The following YTHDF1 variants were observed in gnomAD, a reference collection of about 807,000 sequenced individuals.
The protein encoded by YTHDF1 is YTH N6-methyladenosine RNA binding protein F1.
In YTHDF1, 16 loss-of-function variants were observed where a neutral mutation model predicts 49.1. The ratio of observed to expected loss-of-function variants is 0.33; its 90% CI spans 0.22 to 0.49. The LOEUF is 0.49. Among genes scored for constraint, YTHDF1 ranks in the 20% least tolerant of loss-of-function variants. The pLI, the probability that YTHDF1 is intolerant of heterozygous loss-of-function variation, is 0.99. For missense variants in YTHDF1, 621 were observed against 744.3 expected, an observed-to-expected ratio of 0.83 and a Z score of 1.93; for synonymous variants, 313 against 290.1, an observed-to-expected ratio of 1.08 and a Z score of -0.80.
chr20:63,201,172 G>A (rs2066515534), intron 4 of YTHDF1, among the ~76,000 whole-genome samples: 1 of 152,084 alleles, frequency 6.6e-6, no homozygotes, highest in Admixed American at 6.5e-5. Flanking sequence ...AGTTCTACAA[G>A]CCCCAAGTTG....
At position 63,215,888 on chromosome 20, in the gene YTHDF1, G is replaced by A. The variant is rs992940794; in HGVS notation, c.5C>T (p.Ser2Leu). The change falls in exon 1 of 5, where the codon TCG becomes TTG. Residue 2 changes from serine (S) to leucine (L), a missense_variant. Around this residue, in one of 2 missense-constraint regions of YTHDF1, gnomAD observed 470 missense variants for 495.8 expected, o/e 0.95. Transcript: ENST00000370339. M[S>L]ATSVDTQRTK... is the part of the protein sequence containing the mutation. ...TACCTGGGTGTCCACGCTGGTGGCC[G>A]ACATGCTTCATGAACAACTAGACGC... 2.8e-6 allele frequency: 4 copies of A among 1,445,862 alleles called. No individual in the cohort carries two copies. In the South Asian group the frequency reaches 4.1e-5, roughly 15 times the overall value. 89.6% of individuals were successfully genotyped at this position (1,445,862 alleles called of 1,614,324 possible).
chr20:63,196,818 T>G, intron 4 of YTHDF1, 84 bp from the exon 5 acceptor site: 1 of 1,533,158 alleles, frequency 6.5e-7, no homozygotes, highest in Non-Finnish European at 9.0e-7. Context: ...GGCTGCCCCT[T>G]AGCAGCACCT....
At chr20:63,213,657 C>T (rs956698488) in intron 3 of YTHDF1, among the ~76,000 whole-genome samples, 2 of 152,150 alleles carry the variant, frequency 1.3e-5, no homozygotes, top group African/African-American at 4.8e-5. Flanking sequence ...AGTGGGATGC[C>T]GCCTCCTCCA....
At chr20:63,204,957 G>T (rs576841008) in intron 3 of YTHDF1, among the ~76,000 whole-genome samples, 2 of 151,230 alleles carry the variant, frequency 1.3e-5, no homozygotes, top group South Asian at 4.3e-4. Flanking sequence ...CCAGTGTGAG[G>T]TAAGAAGGCT....
At chr20:63,206,826 T>A (rs1466919725) in intron 3 of YTHDF1, among the ~76,000 whole-genome samples, 1 of 151,150 alleles carries the variant, frequency 6.6e-6, no homozygotes, top group Non-Finnish European at 1.5e-5. Flanking sequence ...AGTCAGTCAT[T>A]CTGTACATAA....
At chr20:63,198,718 T>C (rs1364911411) in intron 4 of YTHDF1, among the ~76,000 whole-genome samples, 1 of 152,012 alleles carries the variant, frequency 6.6e-6, no homozygotes, top group Non-Finnish European at 1.5e-5. Context: ...GGCCTAAGAT[T>C]CTCTATGCTC....
Position 63,202,835 on chromosome 20 carries a change from C to T in YTHDF1, c.1105G>A (p.Glu369Lys). The change falls in exon 4 of 5, where the codon GAA becomes AAA. Residue 369 changes from glutamate to lysine, a missense_variant. Transcript: ENST00000370339. ...TAGCTGTGAGCAGCCTTCAGTTTTT[C>T]AAGGACGGGGTGGGATTCGACGCTG... The part of the protein sequence containing the change: ...APSVESHPVL[E>K]KLKAAHSYNP... 1 of 1,613,972 alleles carries T rather than the reference C, an allele frequency of 6.2e-7. No individual in the cohort carries two copies. The highest frequency in any genetic ancestry group is 8.5e-7 in the Non-Finnish European group (1 of 1,180,052).
In YTHDF1 at chr20:63,215,608, C is replaced by T; in HGVS notation, c.28-7G>A. 2 of 1,608,180 alleles carry T rather than the reference C, an allele frequency of 1.2e-6. No homozygotes were observed. The highest frequency in any genetic ancestry group is 1.7e-6 in the Non-Finnish European group (2 of 1,177,470). On this transcript the variant is annotated splice_polypyrimidine_tract_variant and splice_region_variant and intron_variant, in intron 1 of 4. Transcript: ENST00000370339. ...TATCTTGTCCTTTTGTTCTCTGCACCGCCGCAGGCCGGGACGTGGGGTACA... is the reference window on the plus strand; with the variant it reads ...TATCTTGTCCTTTTGTTCTCTGCACTGCCGCAGGCCGGGACGTGGGGTACA...
chr20:63,206,150 C>T (rs2066545036), intron 3 of YTHDF1, among the ~76,000 whole-genome samples: 1 of 152,222 alleles, frequency 6.6e-6, no homozygotes, highest in South Asian at 2.1e-4. Flanking sequence ...CTCCTCCTCC[C>T]ATTAGCTGGA....
At chr20:63,201,179 G>C (rs1030692089) in intron 4 of YTHDF1, among the ~76,000 whole-genome samples, 4 of 152,166 alleles carry the variant, frequency 2.6e-5, no homozygotes, top group Non-Finnish European at 5.9e-5. Context: ...CAAGCCCCAA[G>C]TTGTTCAGGA....
chr20:63,213,975 A>G, intron 2 of YTHDF1, 32 bp from the exon 3 acceptor site: 3 of 1,563,966 alleles, frequency 1.9e-6, no homozygotes, highest in African/African-American at 1.4e-5. Context: ...TATTACCCTC[A>G]AATTTTAAAA....
intron 4 of YTHDF1, among the ~76,000 whole-genome samples, chr20:63,198,410 A>G (rs2066502385): frequency 6.6e-6 from 1 of 152,016 alleles, no homozygotes; most frequent in Non-Finnish European, 1.5e-5. Context: ...GTGCCACTTC[A>G]CTCCAGCCTG....
intron 3 of YTHDF1, among the ~76,000 whole-genome samples, chr20:63,206,197 C>G (rs2066545309): frequency 6.6e-6 from 1 of 152,262 alleles, no homozygotes; most frequent in South Asian, 2.1e-4. Flanking sequence ...CACAACACAT[C>G]TTCCTTCCAC....
Position 63,215,585 on chromosome 20 carries a change from T to C in YTHDF1, c.44A>G (p.Asp15Gly), listed in dbSNP as rs1280704049. The change falls in exon 2 of 5, where the codon GAT becomes GGT. Residue 15 changes from aspartate to glycine, a missense_variant. This residue lies in a region of YTHDF1 where 470 missense variants were observed against 495.8 expected (regional missense o/e 0.95). Coordinates refer to ENST00000370339, the MANE Select transcript of YTHDF1 (RefSeq NM_017798.4). Reference sequence around the variant, plus strand: ...CCCGGGACTCCGCTCACCTTTATTATCTTGTCCTTTTGTTCTCTGCACCGC... The same window carrying C: ...CCCGGGACTCCGCTCACCTTTATTACCTTGTCCTTTTGTTCTCTGCACCGC... ...SVDTQRTKGQDNKVQNGSLHQ... is the reference protein window; with the variant it reads ...SVDTQRTKGQGNKVQNGSLHQ... 1.2e-6 allele frequency: 2 copies of C among 1,612,676 alleles called. No individual in the cohort carries two copies. Among genetic ancestry groups the C allele is most frequent in the South Asian group, 2.2e-5 (2 of 91,020 alleles).
At chr20:63,210,011 T>C (rs1006731266) in intron 3 of YTHDF1, among the ~76,000 whole-genome samples, 1 of 152,226 alleles carries the variant, frequency 6.6e-6, no homozygotes, top group Non-Finnish European at 1.5e-5. Flanking sequence ...TCATCAATTA[T>C]TACGTACTGT....
At chr20:63,205,153 T>C (rs1186246972) in intron 3 of YTHDF1, among the ~76,000 whole-genome samples, 1 of 152,042 alleles carries the variant, frequency 6.6e-6, no homozygotes, top group Non-Finnish European at 1.5e-5. Context: ...AGACCTCATC[T>C]CACAACCTCA....
Position 63,202,269 on chromosome 20 carries a change from T to C in YTHDF1, c.1653+18A>G, listed in dbSNP as rs1446884847. 2 of 1,602,716 alleles carry C rather than the reference T, an allele frequency of 1.2e-6. No individual in the cohort carries two copies. Among genetic ancestry groups the C allele is most frequent in the Non-Finnish European group, 8.5e-7 (1 of 1,173,582 alleles). On this transcript the variant is annotated intron_variant, in intron 4 of 4. Coordinates refer to ENST00000370339, the MANE Select transcript of YTHDF1 (RefSeq NM_017798.4). ...AGGACACATCTGCATGGCAGTTGCC[T>C]GCAACACCCAGCCTCACCTTGCGCA...
At position 63,196,565 on chromosome 20, in the gene YTHDF1, T is replaced by C. The variant is rs2066493329; in HGVS notation, c.*143A>G. The C allele has an allele frequency of 5.5e-6, 5 of 908,378 alleles. No homozygotes were observed. Among genetic ancestry groups the C allele is most frequent in the Admixed American group, 2.4e-5 (1 of 41,406 alleles). 56.3% of individuals were successfully genotyped at this position (908,378 alleles called of 1,614,324 possible). A position where few individuals can be genotyped will look rare whatever the true frequency, so the allele number is the denominator to read the frequency against. ...AAAAGTACAAATAAATGCAGATCCA[T>C]CTGGGCAAAAATCAACGACAAGAAA... On this transcript the variant is annotated 3_prime_UTR_variant, in exon 5 of 5. Coordinates refer to ENST00000370339, the MANE Select transcript of YTHDF1 (RefSeq NM_017798.4).
intron 2 of YTHDF1, 173 bp from the exon 3 acceptor site, chr20:63,214,116 G>A (rs2122994949): frequency 3.1e-6 from 3 of 973,040 alleles, no homozygotes; most frequent in Non-Finnish European, 3.7e-6. Context: ...ATTAGAAGGG[G>A]GACGGGAAAC....
Sources: gnomAD v4.1 joint callset for allele counts (sites outside exome capture counted in the v4.1 genomes callset) on GRCh38, gnomAD v4.1.1 for gene constraint, gnomAD v4.1.1 regional missense constraint, MANE v1.5 for transcripts, NCBI Gene and HGNC (gene_info 2026-07-23, HGNC 2026-07-21) for gene names.